The following PTCH2 variants were observed in gnomAD, a reference collection of about 807,000 sequenced individuals.
PTCH2 encodes protein patched homolog 2.
In PTCH2, 96 loss-of-function variants were observed where a neutral mutation model predicts 117.9. The observed-to-expected ratio is 0.81, with a 90% confidence interval of 0.69 to 0.96. The LOEUF (loss-of-function observed/expected upper bound fraction) is 0.96. Ranked by LOEUF, PTCH2 falls within the 50% of genes least tolerant of loss-of-function variation. The pLI is 0.00. For missense variants in PTCH2, 1,379 were observed against 1,562.5 expected, an observed-to-expected ratio of 0.88 and a Z score of 1.98; for synonymous variants, 615 against 660.9, an observed-to-expected ratio of 0.93 and a Z score of 1.06.
chr1:44,832,120 C>T, intron 3 of PTCH2, 32 bp downstream of exon 3: 2 of 1,613,972 alleles, frequency 1.2e-6, no homozygotes, highest in East Asian at 4.5e-5. Context: ...CACGCCTCGC[C>T]CCCAGCTGCT....
intron 11 of PTCH2, 139 bp from the exon 12 acceptor site, chr1:44,828,770 T>G (rs970656795): frequency 2.3e-6 from 3 of 1,321,176 alleles, no homozygotes; most frequent in Non-Finnish European, 2.1e-6. Flanking sequence ...TTGGGTACCA[T>G]GTACGTATGA....
chr1:44,819,948 C>A (rs192524658), downstream of PTCH2: 2 of 153,446 alleles, frequency 1.3e-5, no homozygotes, highest in Non-Finnish European at 2.9e-5. Context: ...CCACGGAAAT[C>A]TTTAGTAAAA....
intron 2 of PTCH2, among the ~76,000 whole-genome samples, chr1:44,838,432 T>C (rs1245339595): frequency 6.6e-6 from 1 of 152,092 alleles, no homozygotes; most frequent in Non-Finnish European, 1.5e-5. Context: ...GTAGAGACAG[T>C]GTTTCACCAT....
At chr1:44,820,991 GTTTT>G (rs1652886471), downstream of PTCH2, among the ~76,000 whole-genome samples, 1 of 152,098 alleles carries the variant, frequency 6.6e-6, no homozygotes, top group Admixed American at 6.5e-5. Context: ...TGCAATAGGC[GTTTT>G]TTGTTGTTGT....
intron 2 of PTCH2, among the ~76,000 whole-genome samples, chr1:44,838,929 A>G (rs1223163035): frequency 1.3e-5 from 2 of 152,036 alleles, no homozygotes; most frequent in Non-Finnish European, 2.9e-5. Flanking sequence ...CAAGTTAGCC[A>G]GGCTAGCCAG....
At chr1:44,820,126 T>G, downstream of PTCH2, 1 of 336,396 alleles carries the variant, frequency 3.0e-6, no homozygotes. Context: ...AGAGGCATCA[T>G]GCTCTAAAAC....
chr1:44,833,019 G>C (rs924344527), intron 2 of PTCH2, among the ~76,000 whole-genome samples: 2 of 152,132 alleles, frequency 1.3e-5, no homozygotes, highest in Admixed American at 6.5e-5. Flanking sequence ...ATCAGCTCAC[G>C]AACCCTGGCA....
chr1:44,826,723 A>G lies in PTCH2; in HGVS notation c.2741T>C (p.Leu914Pro), dbSNP rs1653164386. The G allele has an allele frequency of 6.3e-7, 1 of 1,596,460 alleles. No homozygotes were observed. Among genetic ancestry groups the G allele is most frequent in the Non-Finnish European group, 8.6e-7 (1 of 1,169,280 alleles). Residue 914 changes from leucine (L) to proline (P), a missense_variant, in exon 18 of 22, where the codon CTG (leucine) becomes CCG (proline). Coordinates refer to ENST00000372192, the MANE Select transcript of PTCH2 (RefSeq NM_003738.5). This position sits in a 1 kb window ranked among gnomAD's most constrained non-coding sequence, Gnocchi z 5.1. ...PLEFAQFPFL[L>P]RGLQKTADFV... ...GTCTGCAGTCTTCTGGAGGCCACGC[A>G]GCAGGAAGGGGAACTGGGCAAACTC...
intron 6 of PTCH2, among the ~76,000 whole-genome samples, chr1:44,830,481 T>G (rs1458437878): frequency 6.6e-6 from 1 of 150,688 alleles, no homozygotes; most frequent in African/African-American, 2.5e-5. Flanking sequence ...TGGGCACCTG[T>G]AATCCCAGCT....
At chr1:44,839,961 G>C (rs1352584944) in intron 2 of PTCH2, among the ~76,000 whole-genome samples, 1 of 152,052 alleles carries the variant, frequency 6.6e-6, no homozygotes, top group Non-Finnish European at 1.5e-5. Flanking sequence ...TCCAACCTGG[G>C]TTCTGCCTTT....
In PTCH2 at chr1:44,823,501, G is replaced by A. The variant is rs868221673; in HGVS notation, c.3115-116C>T. On this transcript the variant is annotated intron_variant, in intron 19 of 21. Coordinates refer to ENST00000372192, the MANE Select transcript of PTCH2 (RefSeq NM_003738.5). The surrounding 1 kb of genome is among the most constrained non-coding windows in gnomAD (Gnocchi z 5.1). ...CGATACCTTGGCCCACCAAAGGCTG[G>A]GTGAACTAAGTTCATGGGAACTGTA... 19 of 1,400,998 alleles carry A rather than the reference G, an allele frequency of 1.4e-5. No individual in the cohort carries two copies. In the African/African-American group the frequency reaches 1.7e-4, roughly 13 times the overall value. The allele number at this position is 1,400,998 out of a possible 1,614,324, so 86.8% of individuals were successfully genotyped here.
At chr1:44,834,131 T>A (rs1463613513) in intron 2 of PTCH2, among the ~76,000 whole-genome samples, 3 of 151,488 alleles carry the variant, frequency 2.0e-5, no homozygotes, top group Non-Finnish European at 4.4e-5. Context: ...CCTTTTTTTT[T>A]TTTTTGAGAC....
In PTCH2 at chr1:44,827,991, C is replaced by G. The variant is rs534851650; in HGVS notation, c.1910G>C (p.Ser637Thr). The change falls in exon 14 of 22, where the codon AGC becomes ACC. Residue 637 changes from serine to threonine, a missense_variant. Physicochemically the swap from Ser to Thr is moderately conservative, Grantham distance 58 (BLOSUM62 1). Transcript: ENST00000372192. The stretch of plus-strand genomic sequence containing the variant: ...AAGGTCCCGTGTGGACCCTCCAGGG[C>G]TGAAGAGCTCAGAGCCCAGTGGGTC... Reference protein sequence around the residue: ...PSDPLGSELFSPGGSTRDLLG... With the variant: ...PSDPLGSELFTPGGSTRDLLG... The G allele has an allele frequency of 6.2e-7, 1 of 1,614,208 alleles. No individual in the cohort carries two copies. Among genetic ancestry groups the G allele is most frequent in the East Asian group, 2.2e-5 (1 of 44,874 alleles).
chr1:44,827,503 A>G lies in PTCH2; in HGVS notation c.2270T>C (p.Phe757Ser). 2.5e-6 allele frequency: 4 copies of G among 1,613,996 alleles called. No individual in the cohort carries two copies. The highest frequency in any genetic ancestry group is 3.4e-6 in the Non-Finnish European group (4 of 1,179,962). Residue 757 changes from phenylalanine to serine, a missense_variant, in exon 15 of 22, where the codon TTT becomes TCT. Coordinates refer to ENST00000372192, the MANE Select transcript of PTCH2 (RefSeq NM_003738.5). ...GGAACTGAAGCGCTGGTGCAGATCA[A>G]AGAGGGCGCGTTGGGAGTGGGCGTA... ...FDYAHSQRAL[F>S]DLHQRFSSLK...
intron 2 of PTCH2, among the ~76,000 whole-genome samples, chr1:44,838,981 G>A (rs1019174275): frequency 1.3e-5 from 2 of 152,008 alleles, no homozygotes; most frequent in African/African-American, 2.4e-5. Context: ...CACCTACTTC[G>A]GCCTCCCGAA....
intron 21 of PTCH2, 40 bp from the exon 22 acceptor site, chr1:44,822,709 TG>T: frequency 2.5e-6 from 4 of 1,596,664 alleles, no homozygotes; most frequent in Non-Finnish European, 2.6e-6. Context: ...CACGGGCCCC[TG>T]GGGCTCCCGT....
At position 44,829,021 on chromosome 1, in the gene PTCH2, C is replaced by T. The variant is rs35851686; in HGVS notation, c.1425G>A (p.Ala475=). ...GIGVDDVFLL[A]HAFTEALPGT... ...CAGGCAGAGCCTCTGTGAAGGCATG[C>T]GCCAGCAGGAATACGTCATCCACGC... Residue 475 remains alanine, a synonymous_variant, in exon 11 of 22, where the codon GCG becomes GCA. Coordinates refer to ENST00000372192, the MANE Select transcript of PTCH2 (RefSeq NM_003738.5). 2.1e-3 allele frequency: 3,286 copies of T among 1,578,544 alleles called. 2 individuals carry two copies. Among genetic ancestry groups the T allele is most frequent in the Non-Finnish European group, 2.5e-3 (2,962 of 1,161,800 alleles).
rs1179743544 is a variant in PTCH2 at position 44,830,850 on chromosome 1, G to A, written c.811C>T (p.Gln271Ter). The change falls in exon 6 of 22, where the codon CAG becomes TAG. Residue 271 changes from glutamine to a stop codon, truncating the protein, a stop_gained and splice_region_variant. Transcript: ENST00000372192. LOFTEE classifies it high-confidence loss of function. ...TGGCAGACCTGGTTGGAACCCACCT[G>A]CCTGCTGTGATGGTTGGGGGCACTA... The part of the protein sequence containing the change: ...PPSAPNHHSR[Q>*]APNVAHELSG... 5.8e-6 allele frequency: 9 copies of A among 1,551,718 alleles called. No individual in the cohort carries two copies. Among genetic ancestry groups the A allele is most frequent in the Non-Finnish European group, 7.9e-6 (9 of 1,142,210 alleles).
Position 44,823,262 on chromosome 1 carries a change from G to T in PTCH2, c.3238C>A (p.His1080Asn). Residue 1080 changes from histidine to asparagine, a missense_variant, in exon 20 of 22, where the codon CAC becomes AAC. Transcript: ENST00000372192. The surrounding 1 kb of genome is among the most constrained non-coding windows in gnomAD (Gnocchi z 5.1). ...CCCTACCTTACAATGAAGTCAAAGT[G>T]GGAACCAGCAAGCATGAGCAGACCC... ...LLGLLMLAGS[H>N]FDFIVRYFFA... 1 of 1,614,220 alleles carries T rather than the reference G, an allele frequency of 6.2e-7. No individual in the cohort carries two copies.
Sources: gnomAD v4.1 joint callset for allele counts (sites outside exome capture counted in the v4.1 genomes callset) on GRCh38, gnomAD v4.1.1 for gene constraint, Gnocchi (gnomAD v3.1) non-coding constraint, MANE v1.5 for transcripts, NCBI Gene and HGNC (gene_info 2026-07-23, HGNC 2026-07-21) for gene names.